The following KLHL1 variants were observed in gnomAD, a reference collection of about 807,000 sequenced individuals.
KLHL1 encodes kelch-like protein 1.
A neutral mutation model predicts 77.7 loss-of-function variants in KLHL1; 47 were observed. That is an observed-to-expected ratio of 0.60 (90% CI 0.48 to 0.77). The LOEUF is 0.77. KLHL1 is among the 30% of genes least tolerant of loss of function. The pLI, the probability that KLHL1 is intolerant of heterozygous loss-of-function variation, is 0.00. For synonymous variants in KLHL1, 360 were observed against 325.2 expected, an observed-to-expected ratio of 1.11 and a Z score of -1.15; for missense variants, 925 against 910.8, an observed-to-expected ratio of 1.02 and a Z score of -0.20.
At chr13:70,093,301 C>A (rs772953582) in intron 1 of KLHL1, among the ~76,000 whole-genome samples, 1 of 152,098 alleles carries the variant, frequency 6.6e-6, no homozygotes, top group Non-Finnish European at 1.5e-5. Context: ...CTCCAAGATG[C>A]CCATCTGCAA....
intron 6 of KLHL1, among the ~76,000 whole-genome samples, chr13:69,803,478 TA>T (rs1877481186): frequency 6.6e-6 from 1 of 152,212 alleles, no homozygotes; most frequent in African/African-American, 2.4e-5. Flanking sequence ...GGGTAGAATT[TA>T]AAAAATTTCC....
rs201701780 is a variant in KLHL1 at position 69,796,736 on chromosome 13, A to G, written c.1639+2T>C. On this transcript the variant is annotated splice_donor_variant, in intron 7 of 10. Transcript: ENST00000377844. LOFTEE classifies it high-confidence loss of function. ...AGTAATATCAATAAAGTAAGATCTT[A>G]CCTAGACCATGTCTGTGTGTTGACA... 3.1e-6 allele frequency: 5 copies of G among 1,599,854 alleles called. No homozygotes were observed. Among genetic ancestry groups the G allele is most frequent in the Non-Finnish European group, 4.3e-6 (5 of 1,167,190 alleles).
In KLHL1 at chr13:70,101,413, T is replaced by TAGCCGTATATAGATATATA. The variant is rs1887919344; in HGVS notation, c.497+5789_497+5790insTATATATCTATATACGGCT. Among the ~76,000 whole-genome samples, 3 of 152,142 alleles carry TAGCCGTATATAGATATATA rather than the reference T, an allele frequency of 2.0e-5. No individual in the cohort carries two copies. In the South Asian group the frequency reaches 6.2e-4, roughly 32 times the overall value. On this transcript the variant is annotated intron_variant, in intron 1 of 10. Transcript: ENST00000377844. ...GAGTTTTGGGTACCTGAAAATCCAA[T>TAGCCGTATATAGATATATA]TCAATAGCCGTATATATATATAATT...
chr13:69,975,625 T>G lies in KLHL1; in HGVS notation c.675A>C (p.Ala225=), dbSNP rs1207418449. The G allele has an allele frequency of 1.2e-6, 2 of 1,612,990 alleles. No homozygotes were observed. Among genetic ancestry groups the G allele is most frequent in the African/African-American group, 2.7e-5 (2 of 74,858 alleles). The part of the protein sequence containing the change: ...ILIVGNRKIP[A]HRLVLSSVSD... ...GTAGAGGCAGACTACTGTACCTATG[T>G]GCAGGTATCTTTCGGTTCCCAACAA... Residue 225 remains alanine, a synonymous_variant, in exon 2 of 11, where the codon GCA becomes GCC. Coordinates refer to ENST00000377844, the MANE Select transcript of KLHL1 (RefSeq NM_020866.3).
At chr13:69,737,255 T>C (rs955520013) in intron 8 of KLHL1, among the ~76,000 whole-genome samples, 1 of 152,298 alleles carries the variant, frequency 6.6e-6, no homozygotes, top group Non-Finnish European at 1.5e-5. Context: ...TGCAGACTCA[T>C]GGTGGCTGCT....
At chr13:70,041,520 T>G (rs1031635126) in intron 1 of KLHL1, among the ~76,000 whole-genome samples, 1 of 152,142 alleles carries the variant, frequency 6.6e-6, no homozygotes, top group African/African-American at 2.4e-5. Context: ...AGGGGTAAAG[T>G]GGGAGTTCAG....
At chr13:69,898,000 G>A (rs535083166) in intron 4 of KLHL1, among the ~76,000 whole-genome samples, 33 of 152,274 alleles carry the variant, frequency 2.2e-4, no homozygotes, top group African/African-American at 7.2e-4. Flanking sequence ...AAGTAGTCAT[G>A]GTCAAATCAG....
chr13:69,954,433 T>C (rs1883805706), intron 3 of KLHL1, among the ~76,000 whole-genome samples: 1 of 151,242 alleles, frequency 6.6e-6, no homozygotes, highest in East Asian at 1.9e-4. Flanking sequence ...ATTCTTAGCT[T>C]CTCACAAAGT....
chr13:69,977,340 GA>G (rs572996994), intron 1 of KLHL1, among the ~76,000 whole-genome samples: 6 of 151,666 alleles, frequency 4.0e-5, no homozygotes, highest in East Asian at 1.9e-4. Flanking sequence ...CAAGTCATAT[GA>G]AAAAAATCAA....
chr13:69,975,880 A>C, intron 1 of KLHL1, 78 bp from the exon 2 acceptor site: 1 of 1,411,616 alleles, frequency 7.1e-7, no homozygotes, highest in Non-Finnish European at 9.2e-7. Flanking sequence ...AGAATAACAT[A>C]CAGGTTTTTA....
chr13:70,089,881 G>C (rs1887633218), intron 1 of KLHL1, among the ~76,000 whole-genome samples: 1 of 152,102 alleles, frequency 6.6e-6, no homozygotes, highest in Admixed American at 6.6e-5. Flanking sequence ...AATGGTGAGA[G>C]AGAAATTGCT....
chr13:69,989,657 C>T (rs940425036), intron 1 of KLHL1, among the ~76,000 whole-genome samples: 5 of 151,824 alleles, frequency 3.3e-5, no homozygotes, highest in African/African-American at 4.8e-5. Flanking sequence ...TTGTAATTCT[C>T]ATTGTAGAGA....
At chr13:70,023,642 A>C (rs1885857719) in intron 1 of KLHL1, among the ~76,000 whole-genome samples, 1 of 151,896 alleles carries the variant, frequency 6.6e-6, no homozygotes, top group African/African-American at 2.4e-5. Context: ...TACATCCTTC[A>C]AACTTTCCTT....
intron 6 of KLHL1, among the ~76,000 whole-genome samples, chr13:69,818,219 CTTTTTT>C (rs1316398623): frequency 8.9e-6 from 1 of 112,912 alleles, no homozygotes; most frequent in Non-Finnish European, 1.8e-5. Context: ...TCATAGGCAT[CTTTTTT>C]TTTTTTTTTT....
At chr13:70,034,459 C>G (rs1040143301) in intron 1 of KLHL1, among the ~76,000 whole-genome samples, 4 of 152,162 alleles carry the variant, frequency 2.6e-5, no homozygotes, top group Non-Finnish European at 5.9e-5. Flanking sequence ...CAATGGGACT[C>G]AGCAGTTAGT....
At chr13:69,826,539 C>T (rs115504679) in intron 6 of KLHL1, among the ~76,000 whole-genome samples, 2,267 of 152,026 alleles carry the variant, frequency 0.015, 54 homozygotes, top group African/African-American at 0.05. Context: ...AAGATCCTGC[C>T]GTTGCACTCC....
chr13:69,708,368 CAAGA>C (rs890583464), intron 9 of KLHL1, among the ~76,000 whole-genome samples: 1 of 151,898 alleles, frequency 6.6e-6, no homozygotes, highest in Admixed American at 6.6e-5. Context: ...TGACTAAGTT[CAAGA>C]AAGACTGAGG....
At chr13:69,969,095 T>C (rs976983293) in intron 2 of KLHL1, among the ~76,000 whole-genome samples, 2 of 152,146 alleles carry the variant, frequency 1.3e-5, no homozygotes, top group Non-Finnish European at 2.9e-5. Context: ...TTATCTGCTA[T>C]GTATTTTATC....
intron 9 of KLHL1, among the ~76,000 whole-genome samples, chr13:69,715,798 T>C (rs1285765657): frequency 6.6e-6 from 1 of 151,828 alleles, no homozygotes; most frequent in Non-Finnish European, 1.5e-5. Context: ...ATATATCGAA[T>C]GAGAAAAGGT....
Sources: gnomAD v4.1 joint callset for allele counts (sites outside exome capture counted in the v4.1 genomes callset) on GRCh38, gnomAD v4.1.1 for gene constraint, MANE v1.5 for transcripts, NCBI Gene and HGNC (gene_info 2026-07-23, HGNC 2026-07-21) for gene names.